Variants in OGG1 observed in about 807,000 individuals in gnomAD.
The protein encoded by OGG1 is N-glycosylase/DNA lyase.
A neutral mutation model predicts 42.3 loss-of-function variants in OGG1; 35 were observed. The ratio of observed to expected loss-of-function variants is 0.83; its 90% CI spans 0.63 to 1.10. The LOEUF (loss-of-function observed/expected upper bound fraction) is 1.10, where lower values mean the gene tolerates loss of function less well. Ranked by LOEUF, OGG1 falls within the 50% of genes least tolerant of loss-of-function variation. OGG1 has a pLI of 0.00. For missense variants in OGG1, 484 were observed against 446.7 expected (o/e 1.08, Z -0.75); for synonymous variants, 189 against 179.0 (o/e 1.06, Z -0.44).
intron 3 of OGG1, among the ~76,000 whole-genome samples, chr3:9,753,009 CA>C (rs1418309750): frequency 2.6e-5 from 4 of 152,016 alleles, no homozygotes; most frequent in Admixed American, 2.6e-4. Context: ...GATCAGACCA[CA>C]GCACTCCAGC....
rs145816073 is a variant in OGG1, at chr3:9,772,412, G to A, written c.295-9101G>A. Among the ~76,000 whole-genome samples, 391 of 152,290 alleles carry A rather than the reference G, an allele frequency of 2.6e-3. 3 individuals carry two copies. The highest frequency in any genetic ancestry group is 8.9e-3 in the African/African-American group (369 of 41,562). ...GCACAAGATTGCAGGAAAAACACCA[G>A]AGATTAGGGGCTTGGAGACTGGAAC... On this transcript the variant is annotated intron_variant, in intron 2 of 3. Transcript: ENST00000426518.
At chr3:9,788,650 C>G (rs1480955525), downstream of OGG1, among the ~76,000 whole-genome samples, 1 of 151,926 alleles carries the variant, frequency 6.6e-6, no homozygotes, top group African/African-American at 2.4e-5. Context: ...GGTGATTTTC[C>G]TGGCTCAGCC....
At chr3:9,762,828 G>T in intron 7 of OGG1, 2 of 1,377,102 alleles carry the variant, frequency 1.5e-6, no homozygotes, top group Non-Finnish European at 2.0e-6. Flanking sequence ...GTGAGGGGGT[G>T]AAAGTTGCCC....
At chr3:9,787,777 T>A in exon 4 of OGG1, 1 of 1,184,270 alleles carries the variant, frequency 8.4e-7, no homozygotes, top group Non-Finnish European at 1.1e-6. Context: ...GAGATCAAAG[T>A]GTTGTGGCAG....
rs749961522 is a variant in OGG1 at position 9,750,357 on chromosome 3, C to T, written c.71C>T (p.Ala24Val). 1.2e-6 allele frequency: 2 copies of T among 1,614,040 alleles called. No homozygotes were observed. Among genetic ancestry groups the T allele is most frequent in the Admixed American group, 3.3e-5 (2 of 60,032 alleles). The change falls in exon 1 of 7, where the codon GCC (alanine) becomes GTC (valine). Residue 24 changes from alanine to valine, a missense_variant. Coordinates refer to ENST00000344629, the MANE Select transcript of OGG1 (RefSeq NM_002542.6). ...RTLASTPALW[A>V]SIPCPRSELR... The stretch of plus-strand genomic sequence containing the variant: ...CTAGCCTCCACTCCTGCCCTGTGGG[C>T]CTCCATCCCGTGCCCTCGCTCTGAG...
At chr3:9,767,727 G>C (rs2078193494), downstream of OGG1, 3 of 1,614,072 alleles carry the variant, frequency 1.9e-6, no homozygotes, top group Non-Finnish European at 2.5e-6. Context: ...CTTCCACCTG[G>C]GGCCTTCCAC....
chr3:9,763,174 A>G, intron 7 of OGG1: 1 of 1,614,088 alleles, frequency 6.2e-7, no homozygotes, highest in Non-Finnish European at 8.5e-7. Context: ...CCCCACTCTC[A>G]TAGATGTCAT....
chr3:9,759,206 C>T (rs1376285264), downstream of OGG1: 1 of 1,613,820 alleles, frequency 6.2e-7, no homozygotes, highest in East Asian at 2.2e-5. Context: ...GTCATCACCA[C>T]TTTTATGACC....
chr3:9,761,236 G>T (rs144306347), downstream of OGG1: 551 of 484,480 alleles, frequency 1.1e-3, 1 homozygote, highest in African/African-American at 9.9e-3. Flanking sequence ...CTGAGGGCAG[G>T]CACTTTGTCT....
At chr3:9,779,513 G>T (rs1178580044) in intron 2 of OGG1, among the ~76,000 whole-genome samples, 1 of 151,904 alleles carries the variant, frequency 6.6e-6, no homozygotes, top group Non-Finnish European at 1.5e-5. Context: ...CTGGACCCTT[G>T]GGGGAGGGGG....
At chr3:9,781,458 G>A (rs2078462241) in intron 2 of OGG1, 2 of 448,012 alleles carry the variant, frequency 4.5e-6, no homozygotes, top group Non-Finnish European at 4.5e-6. Flanking sequence ...TTAGTGAGGG[G>A]GAGATCTGGA....
downstream of OGG1, chr3:9,759,622 C>T (rs755257698): frequency 3.1e-6 from 5 of 1,614,100 alleles, no homozygotes; most frequent in East Asian, 2.2e-5. Flanking sequence ...CAGAAGCAGA[C>T]CTGAGGGCCC....
downstream of OGG1, chr3:9,762,068 T>C: frequency 3.8e-6 from 1 of 259,980 alleles, no homozygotes; most frequent in South Asian, 5.0e-5. Flanking sequence ...TCCTCACTGC[T>C]TCCCTGCTAG....
At chr3:9,767,916 A>G, downstream of OGG1, 2 of 1,295,674 alleles carry the variant, frequency 1.5e-6, no homozygotes, top group Non-Finnish European at 2.0e-6. Flanking sequence ...CATTCAACAA[A>G]CATTCATTTG....
Position 9,762,992 on chromosome 3 carries a change from G to GTCC in OGG1, c.1049-2816_1049-2814dup, listed in dbSNP as rs745732244. 3 of 1,614,144 alleles carry GTCC rather than the reference G, an allele frequency of 1.9e-6. No homozygotes were observed. In the Admixed American group the frequency reaches 5.0e-5, roughly 27 times the overall value. On this transcript the variant is annotated intron_variant, in intron 7 of 7. Transcript: ENST00000302008. The stretch of plus-strand genomic sequence containing the variant: ...GCACCTGGAAGATGAGGCGGCTGGC[G>GTCC]TCCCGCTCCGTGTAGAAGCCTTTTT...
downstream of OGG1, chr3:9,757,879 A>G (rs1413095981): frequency 6.3e-7 from 1 of 1,578,048 alleles, no homozygotes; most frequent in Non-Finnish European, 8.6e-7. This position sits in a 1 kb window ranked among gnomAD's most constrained non-coding sequence, Gnocchi z 4.5. Context: ...GAGAGGGGAG[A>G]AAGGACTTTT....
chr3:9,757,253 T>G lies in OGG1; in HGVS notation c.*103T>G. The G allele has an allele frequency of 6.2e-7, 1 of 1,614,068 alleles. No homozygotes were observed. Among genetic ancestry groups the G allele is most frequent in the Admixed American group, 1.7e-5 (1 of 60,020 alleles). ...GTCTCATGTTGGGGAGGGGCCTCCC[T>G]GTGACTACCTCAAAGGCCAGGCACC... On this transcript the variant is annotated 3_prime_UTR_variant, in exon 7 of 7. Transcript: ENST00000344629. The surrounding 1 kb of genome is among the most constrained non-coding windows in gnomAD (Gnocchi z 4.5).
downstream of OGG1, among the ~76,000 whole-genome samples, chr3:9,770,698 G>C (rs2078282117): frequency 6.6e-6 from 1 of 152,166 alleles, no homozygotes. Context: ...GTCCAGGTTA[G>C]GGGAGAGAGC....
chr3:9,772,530 C>T (rs562718047), intron 2 of OGG1, among the ~76,000 whole-genome samples: 13 of 152,304 alleles, frequency 8.5e-5, no homozygotes, highest in Admixed American at 5.9e-4. Context: ...CTTTTTCTCT[C>T]CAGAGTGAAC....
Sources: gnomAD v4.1 joint callset for allele counts (sites outside exome capture counted in the v4.1 genomes callset) on GRCh38, gnomAD v4.1.1 for gene constraint, Gnocchi (gnomAD v3.1) non-coding constraint, MANE v1.5 for transcripts, NCBI Gene and HGNC (gene_info 2026-07-23, HGNC 2026-07-21) for gene names.